Variants in DNAH7 observed in about 807,000 individuals in gnomAD.
The protein encoded by DNAH7 is dynein axonemal heavy chain 7, also known as axonemal beta dynein heavy chain 7.
In DNAH7, 397 loss-of-function variants were observed where a neutral mutation model predicts 444.6. The ratio of observed to expected loss-of-function variants is 0.89; its 90% CI spans 0.82 to 0.97. DNAH7 has a LOEUF of 0.97. Among genes scored for constraint, DNAH7 ranks in the 50% least tolerant of loss-of-function variants. The probability of loss-of-function intolerance (pLI) is 0.00; values close to 1 mark genes in which losing one functional copy is unlikely to be tolerated. For synonymous variants in DNAH7, 1,636 were observed against 1,624.4 expected (o/e 1.01, Z -0.17); for missense variants, 4,902 against 4,800.8 (o/e 1.02, Z -0.62).
chr2:195,822,782 G>A (rs1295098072), intron 49 of DNAH7, among the ~76,000 whole-genome samples: 1 of 152,148 alleles, frequency 6.6e-6, no homozygotes, highest in Non-Finnish European at 1.5e-5. Context: ...TTACTGAACA[G>A]TAAAAAAGGT....
intron 19 of DNAH7, among the ~76,000 whole-genome samples, chr2:195,941,454 A>C (rs1233383278): frequency 6.6e-6 from 1 of 150,482 alleles, no homozygotes; most frequent in East Asian, 1.9e-4. Context: ...TAGATGACAA[A>C]AAAAAAAAAA....
At chr2:195,880,674 T>C (rs1359863354) in intron 36 of DNAH7, among the ~76,000 whole-genome samples, 1 of 152,162 alleles carries the variant, frequency 6.6e-6, no homozygotes, top group Non-Finnish European at 1.5e-5. Context: ...TTAGAAAAAT[T>C]AGGGATTTGA....
intron 20 of DNAH7, 135 bp from the exon 21 acceptor site, chr2:195,934,924 A>G: frequency 1.2e-6 from 1 of 865,430 alleles, no homozygotes; most frequent in Non-Finnish European, 1.7e-6. Flanking sequence ...GAAACCCCCA[A>G]AACAAACAAA....
At chr2:195,992,186 A>G (rs13413990) in intron 12 of DNAH7, among the ~76,000 whole-genome samples, 10,218 of 152,168 alleles carry the variant, frequency 0.067, 488 homozygotes, top group African/African-American at 0.14. Context: ...CTTGGCATAA[A>G]TGGTTTCCCA....
At chr2:196,007,367 T>C (rs1264994119) in intron 10 of DNAH7, among the ~76,000 whole-genome samples, 1 of 152,162 alleles carries the variant, frequency 6.6e-6, no homozygotes. Flanking sequence ...CAGATATCCA[T>C]ATGCAAAATA....
intron 46 of DNAH7, among the ~76,000 whole-genome samples, chr2:195,852,102 C>CA (rs1175124377): frequency 6.6e-6 from 1 of 151,808 alleles, no homozygotes; most frequent in East Asian, 1.9e-4. Flanking sequence ...ACTAAAAATA[C>CA]AAAAAATTAG....
In DNAH7 at chr2:195,873,661, A is replaced by C. The variant is rs1426998739; in HGVS notation, c.6320T>G (p.Met2107Arg). Reference protein sequence around the residue: ...GGRNPVTPRYMRHFNIITINE... With the variant: ...GGRNPVTPRYRRHFNIITINE... ...GATTGTTATAATATTGAAATGTCGCATGTATCGAGGAGTTACTGGATTTCG... is the reference window on the plus strand; with the variant it reads ...GATTGTTATAATATTGAAATGTCGCCTGTATCGAGGAGTTACTGGATTTCG... The change falls in exon 39 of 65, where the codon ATG becomes AGG. Residue 2107 changes from methionine (M) to arginine (R), a missense_variant. By Grantham distance (91) the Met-to-Arg change is moderately conservative. Coordinates refer to ENST00000312428, the MANE Select transcript of DNAH7 (RefSeq NM_018897.3). 1 of 1,536,872 alleles carries C rather than the reference A, an allele frequency of 6.5e-7. No homozygotes were observed. Among genetic ancestry groups the C allele is most frequent in the Non-Finnish European group, 8.7e-7 (1 of 1,148,938 alleles).
At chr2:195,887,710 T>A (rs1416407878) in intron 33 of DNAH7, among the ~76,000 whole-genome samples, 1 of 152,176 alleles carries the variant, frequency 6.6e-6, no homozygotes, top group Non-Finnish European at 1.5e-5. Flanking sequence ...AAATTAAACA[T>A]TCTTGCTCTG....
In DNAH7 at chr2:195,970,005, C is replaced by T. The variant is rs374551797; in HGVS notation, c.2148G>A (p.Gln716=). The change falls in exon 17 of 65, where the codon CAG becomes CAA. Residue 716 remains glutamine, a synonymous_variant. Coordinates refer to ENST00000312428, the MANE Select transcript of DNAH7 (RefSeq NM_018897.3). ...FYSFGDLQDV[Q]RYLKKAQILN... Reference sequence around the variant, plus strand: ...GTATTTGAGCCTTTTTTAGGTACCGCTGAACATCCTGAAGATCTCCAAATG... The same window carrying T: ...GTATTTGAGCCTTTTTTAGGTACCGTTGAACATCCTGAAGATCTCCAAATG... 6.8e-6 allele frequency: 11 copies of T among 1,612,566 alleles called. No individual in the cohort carries two copies. Among genetic ancestry groups the T allele is most frequent in the South Asian group, 1.1e-5 (1 of 90,748 alleles).
chr2:196,030,671 C>T (rs980289649), intron 5 of DNAH7, among the ~76,000 whole-genome samples: 1 of 152,190 alleles, frequency 6.6e-6, no homozygotes, highest in Admixed American at 6.5e-5. Flanking sequence ...TTGGCCAAGA[C>T]AAAGTGGTTA....
At chr2:195,764,785 A>G (rs571615570) in intron 61 of DNAH7, among the ~76,000 whole-genome samples, 1 of 152,234 alleles carries the variant, frequency 6.6e-6, no homozygotes, top group African/African-American at 2.4e-5. Context: ...GGAAGAATCA[A>G]TATTGTTAAA....
chr2:195,794,709 A>G (rs866091780), intron 56 of DNAH7, among the ~76,000 whole-genome samples, 171 bp from the exon 57 acceptor site: 2 of 152,248 alleles, frequency 1.3e-5, no homozygotes, highest in East Asian at 1.9e-4. Flanking sequence ...TCCTAAAACA[A>G]TAACACCTTG....
intron 1 of DNAH7, among the ~76,000 whole-genome samples, chr2:196,067,488 C>G (rs1698492344): frequency 6.6e-6 from 1 of 151,976 alleles, no homozygotes; most frequent in Admixed American, 6.6e-5. Flanking sequence ...GTCATTTACT[C>G]TTTTATTATT....
chr2:196,018,895 TCATTG>T (rs1173433766), intron 9 of DNAH7, among the ~76,000 whole-genome samples: 1 of 152,124 alleles, frequency 6.6e-6, no homozygotes, highest in African/African-American at 2.4e-5. Flanking sequence ...TGATTATTAA[TCATTG>T]CATGCCTCTA....
intron 54 of DNAH7, among the ~76,000 whole-genome samples, chr2:195,801,771 T>C (rs1289352527): frequency 1.3e-5 from 2 of 152,208 alleles, no homozygotes; most frequent in African/African-American, 2.4e-5. Context: ...GTAAAAATAA[T>C]TGACATGTCA....
At chr2:195,852,913 CACAGAGAG>C (rs1176943460) in intron 46 of DNAH7, among the ~76,000 whole-genome samples, 1,573 of 134,644 alleles carry the variant, frequency 0.012, 28 homozygotes, top group East Asian at 0.062. Context: ...CACACACACA[CACAGAGAG>C]AGAGAGAGAG....
In DNAH7 at chr2:195,962,088, G is replaced by A. The variant is rs376806938; in HGVS notation, c.2206-1143C>T. The stretch of plus-strand genomic sequence containing the variant: ...TTGAACACTTCCTCTTACTTTAGTT[G>A]TGAAATATGTGAGGATATGGACAGT... On this transcript the variant is annotated intron_variant, in intron 17 of 64. Coordinates refer to ENST00000312428, the MANE Select transcript of DNAH7 (RefSeq NM_018897.3). Among the ~76,000 whole-genome samples, 28 of 152,170 alleles carry A rather than the reference G, an allele frequency of 1.8e-4. No individual in the cohort carries two copies. The East Asian group carries it at 2.5e-3, about 14-fold the overall frequency.
At chr2:195,964,739 G>A (rs1278556858) in intron 17 of DNAH7, among the ~76,000 whole-genome samples, 2 of 151,142 alleles carry the variant, frequency 1.3e-5, no homozygotes, top group African/African-American at 2.4e-5. Flanking sequence ...AGCCAGGCAT[G>A]GTGGCACGCG....
chr2:196,038,743 A>C (rs1055797176), intron 5 of DNAH7, among the ~76,000 whole-genome samples: 1 of 152,206 alleles, frequency 6.6e-6, no homozygotes, highest in African/African-American at 2.4e-5. Flanking sequence ...CTATACTTCT[A>C]TCAGACAAAA....
Sources: allele counts gnomAD v4.1 joint callset (sites outside exome capture counted in the v4.1 genomes callset), GRCh38; gene constraint gnomAD v4.1.1; transcripts MANE v1.5; gene names NCBI Gene and HGNC (gene_info 2026-07-23, HGNC 2026-07-21).